SLIT3: variants seen among roughly 807,000 people sequenced by gnomAD.
SLIT3 encodes the protein slit homolog 3 protein.
SLIT3 carries 68 observed loss-of-function variants against 184.0 expected under a neutral mutation model. The observed-to-expected ratio is 0.37, with a 90% CI of 0.30 to 0.45. The LOEUF (loss-of-function observed/expected upper bound fraction) is 0.45, where lower values mean the gene tolerates loss of function less well. SLIT3 is among the 20% of genes least tolerant of loss of function. The pLI is 1.00. For synonymous variants in SLIT3, 831 were observed against 828.6 expected (o/e 1.00, Z -0.05); for missense variants, 1,707 against 2,026.0 (o/e 0.84, Z 3.02).
chr5:168,965,043 G>A (rs934574125), intron 4 of SLIT3, among the ~76,000 whole-genome samples: 2 of 152,132 alleles, frequency 1.3e-5, no homozygotes, highest in African/African-American at 2.4e-5. Flanking sequence ...AAGAGAGAGG[G>A]CCTCCTTAAA....
chr5:168,699,326 A>G (rs1342719380), intron 27 of SLIT3, among the ~76,000 whole-genome samples: 1 of 152,172 alleles, frequency 6.6e-6, no homozygotes, highest in African/African-American at 2.4e-5. Context: ...AGTGCTTTTG[A>G]TATTTAATTG....
intron 4 of SLIT3, among the ~76,000 whole-genome samples, chr5:168,889,890 T>C (rs1334768872): frequency 6.6e-6 from 1 of 152,146 alleles, no homozygotes; most frequent in Non-Finnish European, 1.5e-5. Flanking sequence ...ATGCCTGTAA[T>C]CCCAGCACTT....
At chr5:169,193,964 T>G (rs1302788015) in intron 3 of SLIT3, among the ~76,000 whole-genome samples, 1 of 152,112 alleles carries the variant, frequency 6.6e-6, no homozygotes, top group Non-Finnish European at 1.5e-5. Flanking sequence ...CCAGGCACGG[T>G]GGCTTACGCC....
chr5:169,248,782 G>T (rs1765681219), intron 2 of SLIT3, among the ~76,000 whole-genome samples: 3 of 152,042 alleles, frequency 2.0e-5, no homozygotes, highest in Non-Finnish European at 4.4e-5. Flanking sequence ...CCAAGAAATG[G>T]GACATAATTG....
chr5:168,911,848 G>A (rs1464344538), intron 4 of SLIT3, among the ~76,000 whole-genome samples: 3 of 152,170 alleles, frequency 2.0e-5, no homozygotes, highest in Non-Finnish European at 1.5e-5. Flanking sequence ...ATAGAATAAT[G>A]TTTTAAAACT....
At chr5:168,980,595 C>T (rs539952787) in intron 4 of SLIT3, among the ~76,000 whole-genome samples, 15 of 152,268 alleles carry the variant, frequency 9.9e-5, no homozygotes, top group East Asian at 1.9e-4. Context: ...TCAACTTGGG[C>T]AATATGGCAA....
intron 23 of SLIT3, among the ~76,000 whole-genome samples, chr5:168,715,318 A>T (rs1762684947): frequency 6.6e-6 from 1 of 152,230 alleles, no homozygotes; most frequent in Admixed American, 6.5e-5. Context: ...GTTTCTCAGC[A>T]TCAATGCTGT....
At chr5:169,290,626 C>T (rs1040348423) in intron 1 of SLIT3, among the ~76,000 whole-genome samples, 24 of 138,234 alleles carry the variant, frequency 1.7e-4, no homozygotes, top group African/African-American at 3.8e-4. Context: ...AGGGCACGTG[C>T]GGGGCATATG....
At chr5:168,817,627 C>T (rs1225812580) in intron 7 of SLIT3, among the ~76,000 whole-genome samples, 164 bp from the exon 8 acceptor site, 1 of 152,186 alleles carries the variant, frequency 6.6e-6, no homozygotes, top group East Asian at 1.9e-4. Context: ...AACATGGGAG[C>T]CCCAACCCTT....
chr5:168,774,794 C>A (rs953064380), intron 12 of SLIT3, among the ~76,000 whole-genome samples: 1 of 152,146 alleles, frequency 6.6e-6, no homozygotes, highest in Non-Finnish European at 1.5e-5. Flanking sequence ...TCAGAAAATT[C>A]CTTACAGTTC....
intron 4 of SLIT3, among the ~76,000 whole-genome samples, chr5:169,118,726 A>T (rs930949386): frequency 6.6e-6 from 1 of 152,036 alleles, no homozygotes. Context: ...ATTTTCAGGA[A>T]CCTGTTCATG....
intron 4 of SLIT3, among the ~76,000 whole-genome samples, chr5:169,098,534 A>G (rs960447186): frequency 6.6e-6 from 1 of 152,342 alleles, no homozygotes; most frequent in South Asian, 2.1e-4. Flanking sequence ...CACACATTGC[A>G]TGACGCTAGT....
At chr5:169,128,582 C>A (rs956280134) in intron 4 of SLIT3, among the ~76,000 whole-genome samples, 1 of 152,094 alleles carries the variant, frequency 6.6e-6, no homozygotes, top group Non-Finnish European at 1.5e-5. Context: ...GCTCCCAACA[C>A]CACGCCTGGC....
At chr5:169,095,611 C>T (rs767003191) in intron 4 of SLIT3, among the ~76,000 whole-genome samples, 3 of 152,158 alleles carry the variant, frequency 2.0e-5, no homozygotes, top group Non-Finnish European at 4.4e-5. Flanking sequence ...TGGAGTGGCT[C>T]GCTGTGGCAT....
intron 4 of SLIT3, among the ~76,000 whole-genome samples, chr5:169,025,694 G>C (rs1012453461): frequency 1.3e-5 from 2 of 152,104 alleles, no homozygotes; most frequent in African/African-American, 4.8e-5. Context: ...TAGAGTCATG[G>C]TATGCAAATA....
At chr5:168,917,111 G>C (rs1396424727) in intron 4 of SLIT3, among the ~76,000 whole-genome samples, 1 of 152,202 alleles carries the variant, frequency 6.6e-6, no homozygotes, top group Non-Finnish European at 1.5e-5. Context: ...CTAGTGGGAT[G>C]ATGAGTAACT....
At chr5:168,697,936 C>T (rs1308116060) in intron 27 of SLIT3, among the ~76,000 whole-genome samples, 1 of 152,148 alleles carries the variant, frequency 6.6e-6, no homozygotes, top group Non-Finnish European at 1.5e-5. Context: ...GATATGGTGG[C>T]TGGTCGAGGA....
At position 169,141,696 on chromosome 5, in the gene SLIT3, G is replaced by A. The variant is rs185831874; in HGVS notation, c.413+51783C>T. Among the ~76,000 whole-genome samples the A allele has an allele frequency of 9.7e-4, 141 of 145,688 alleles. 5 individuals are homozygous for A. The highest frequency in any genetic ancestry group is 3.4e-3 in the African/African-American group (134 of 39,270). On this transcript the variant is annotated intron_variant, in intron 4 of 35. Transcript: ENST00000519560. ...GGAGCTTGCAGTAAGCCGAGATCGC[G>A]CCATTGCACTCCAGCCTGGGTGGCA...
At chr5:169,299,036 G>A (rs1047097593) in intron 1 of SLIT3, among the ~76,000 whole-genome samples, 9 of 152,190 alleles carry the variant, frequency 5.9e-5, no homozygotes, top group Non-Finnish European at 1.3e-4. Flanking sequence ...CTAACTTAAT[G>A]TCTGAATTAA....
Sources: allele counts gnomAD v4.1 joint callset (sites outside exome capture counted in the v4.1 genomes callset), GRCh38; gene constraint gnomAD v4.1.1; transcripts MANE v1.5; gene names NCBI Gene and HGNC (gene_info 2026-07-23, HGNC 2026-07-21).